Variants in PRKCH observed in about 807,000 individuals in gnomAD.
PRKCH encodes the protein protein kinase C eta, also known as protein kinase C eta type.
Under a neutral mutation model 82.5 loss-of-function variants are expected in PRKCH, and 28 were observed. The observed-to-expected ratio is 0.34, with a 90% CI of 0.25 to 0.47. PRKCH has a LOEUF of 0.47. PRKCH is among the 20% of genes least tolerant of loss of function. PRKCH has a pLI of 1.00. For synonymous variants in PRKCH, 322 were observed against 327.4 expected (o/e 0.98, Z 0.18); for missense variants, 705 against 881.8 (o/e 0.80, Z 2.54).
At chr14:61,360,541 A>G (rs1006850350) in intron 1 of PRKCH, among the ~76,000 whole-genome samples, 1 of 152,156 alleles carries the variant, frequency 6.6e-6, no homozygotes, top group Non-Finnish European at 1.5e-5. Context: ...AAACTCGAAG[A>G]GGCTAAAACG....
chr14:61,537,542 G>C (rs2043127836), intron 12 of PRKCH: 1 of 152,164 alleles, frequency 6.6e-6, no homozygotes, highest in Non-Finnish European at 1.5e-5. Context: ...AAGGGCTTAG[G>C]GAAGTCCCAG....
At chr14:61,500,353 A>T (rs1436684761) in intron 10 of PRKCH, among the ~76,000 whole-genome samples, 2 of 151,666 alleles carry the variant, frequency 1.3e-5, no homozygotes, top group Non-Finnish European at 2.9e-5. Context: ...GTGTACCAGC[A>T]CACCCAGCTA....
chr14:61,516,187 G>A (rs1374005675), intron 10 of PRKCH, among the ~76,000 whole-genome samples: 4 of 152,208 alleles, frequency 2.6e-5, no homozygotes, highest in South Asian at 4.1e-4. Flanking sequence ...GATTGAGGGA[G>A]GCAACTGTAA....
At chr14:61,293,219 C>T (rs1473775662) in intron 1 of PRKCH, among the ~76,000 whole-genome samples, 1 of 152,224 alleles carries the variant, frequency 6.6e-6, no homozygotes, top group Non-Finnish European at 1.5e-5. Context: ...GACAGATAGA[C>T]CTTCCATCTT....
chr14:61,210,776 CTCTCTCTCT>C (rs2044569903), intron 1 of PRKCH, among the ~76,000 whole-genome samples: 7 of 115,090 alleles, frequency 6.1e-5, no homozygotes, highest in Admixed American at 1.7e-4. Context: ...CTCTCTCTCT[CTCTCTCTCT>C]CTCTCTGTGT....
chr14:61,316,608 T>C (rs550343147), upstream of PRKCH, among the ~76,000 whole-genome samples: 5 of 152,328 alleles, frequency 3.3e-5, no homozygotes, highest in South Asian at 8.3e-4. Context: ...CTTGCTCCCC[T>C]GCTTTCAGGG....
chr14:61,492,076 C>G (rs778934468), intron 10 of PRKCH: 1 of 152,228 alleles, frequency 6.6e-6, no homozygotes, highest in African/African-American at 2.4e-5. Context: ...AAACAGCAAA[C>G]GCAGATAGAT....
chr14:61,281,630 G>A (rs1237891310), intron 1 of PRKCH: 1 of 167,304 alleles, frequency 6.0e-6, no homozygotes, highest in Non-Finnish European at 1.5e-5. Flanking sequence ...AAATCAAAAG[G>A]CGCTCCGGCC....
intron 1 of PRKCH, among the ~76,000 whole-genome samples, chr14:61,240,893 C>T (rs188078371): frequency 5.6e-4 from 86 of 152,288 alleles, no homozygotes; most frequent in Non-Finnish European, 9.0e-4. Context: ...ACACAGAACA[C>T]TTCAGTAACT....
At chr14:61,458,436 T>G (rs1181583722) in intron 9 of PRKCH, among the ~76,000 whole-genome samples, 1 of 152,168 alleles carries the variant, frequency 6.6e-6, no homozygotes, top group Non-Finnish European at 1.5e-5. Context: ...CCCAAGGTAT[T>G]TGCTGCAGCC....
chr14:61,493,222 G>A (rs564776754), intron 10 of PRKCH, among the ~76,000 whole-genome samples: 24 of 152,176 alleles, frequency 1.6e-4, no homozygotes, highest in Admixed American at 8.5e-4. Context: ...TGAAAAGCCT[G>A]GAGGTAGGTA....
intron 10 of PRKCH, among the ~76,000 whole-genome samples, chr14:61,509,416 G>A (rs2139969508): frequency 6.6e-6 from 1 of 152,158 alleles, no homozygotes; most frequent in Admixed American, 6.5e-5. Flanking sequence ...ACAGGTCCTG[G>A]GCATCTGCTT....
intron 1 of PRKCH, among the ~76,000 whole-genome samples, chr14:61,330,345 A>G (rs1017522924): frequency 2.0e-5 from 3 of 152,216 alleles, no homozygotes; most frequent in Admixed American, 6.5e-5. Context: ...CCAGAGGGAC[A>G]TCGCAGATGC....
At chr14:61,469,893 C>G (rs1377513158) in intron 9 of PRKCH, among the ~76,000 whole-genome samples, 1 of 152,002 alleles carries the variant, frequency 6.6e-6, no homozygotes, top group Non-Finnish European at 1.5e-5. Flanking sequence ...CGCCTTCAAG[C>G]CTTGAGGACG....
chr14:61,238,646 C>T (rs1432674296), intron 1 of PRKCH, among the ~76,000 whole-genome samples: 2 of 152,070 alleles, frequency 1.3e-5, no homozygotes, highest in African/African-American at 2.4e-5. Flanking sequence ...CCTCTTTTTC[C>T]GTTTAGTTTC....
chr14:61,254,315 G>C (rs542945838), intron 1 of PRKCH, among the ~76,000 whole-genome samples: 3 of 152,148 alleles, frequency 2.0e-5, no homozygotes, highest in African/African-American at 4.8e-5. Context: ...AAAAAGTCGT[G>C]ATAAAAATCA....
Position 61,485,612 on chromosome 14 carries a change from C to T in PRKCH, c.1389C>T (p.Ile463=), listed in dbSNP as rs370492544. ...EARARFYAAE[I]ISALMFLHDK... ...GAGCTCGCTTCTATGCTGCAGAAAT[C>T]ATTTCGGCTCTCATGTTCCTCCATG... Residue 463 remains isoleucine, a synonymous_variant, in exon 10 of 14, where the codon ATC becomes ATT. Transcript: ENST00000332981. 2.5e-5 allele frequency: 41 copies of T among 1,614,042 alleles called. No homozygotes were observed. Among genetic ancestry groups the T allele is most frequent in the Non-Finnish European group, 3.2e-5 (38 of 1,180,028 alleles).
At chr14:61,396,786 T>C (rs2046790586) in intron 2 of PRKCH, among the ~76,000 whole-genome samples, 1 of 151,696 alleles carries the variant, frequency 6.6e-6, no homozygotes, top group Non-Finnish European at 1.5e-5. Flanking sequence ...TGCTGAAGAT[T>C]GGGGAGTGGG....
At chr14:61,312,050 T>C (rs2045529279) in intron 1 of PRKCH, among the ~76,000 whole-genome samples, 1 of 152,048 alleles carries the variant, frequency 6.6e-6, no homozygotes, top group African/African-American at 2.4e-5. Flanking sequence ...GGATTACAGG[T>C]CCCTCCCTCG....
Sources: gnomAD v4.1 joint callset for allele counts (sites outside exome capture counted in the v4.1 genomes callset) on GRCh38, gnomAD v4.1.1 for gene constraint, MANE v1.5 for transcripts, NCBI Gene and HGNC (gene_info 2026-07-23, HGNC 2026-07-21) for gene names.